Variants in PHAF1 observed in about 807,000 individuals in gnomAD.
PHAF1 encodes the protein phagosome assembly factor 1.
PHAF1 carries 23 observed loss-of-function variants against 63.1 expected under a neutral mutation model. The observed-to-expected ratio is 0.36, with a 90% CI of 0.26 to 0.52. The LOEUF (loss-of-function observed/expected upper bound fraction) is 0.52. Among genes scored for constraint, PHAF1 ranks in the 20% least tolerant of loss-of-function variants. The probability of loss-of-function intolerance (pLI) is 0.93; values close to 1 mark genes in which losing one functional copy is unlikely to be tolerated. For missense variants in PHAF1, 427 were observed against 517.2 expected, an observed-to-expected ratio of 0.83 and a Z score of 1.69; for synonymous variants, 167 against 185.0, an observed-to-expected ratio of 0.90 and a Z score of 0.79.
At chr16:67,111,319 T>C (rs1962508104) in intron 1 of PHAF1, among the ~76,000 whole-genome samples, 1 of 152,224 alleles carries the variant, frequency 6.6e-6, no homozygotes, top group Admixed American at 6.5e-5. Flanking sequence ...ACTACTTTTA[T>C]GTGTACAAGG....
intron 8 of PHAF1, among the ~76,000 whole-genome samples, chr16:67,138,622 T>C (rs1311715870): frequency 6.6e-5 from 10 of 152,112 alleles, no homozygotes; most frequent in Admixed American, 2.6e-4. Context: ...CACTTCTACA[T>C]TTGTGTGTTT....
chr16:67,144,164 G>A (rs953641966), intron 10 of PHAF1, 130 bp from the exon 11 acceptor site: 4 of 653,188 alleles, frequency 6.1e-6, no homozygotes, highest in African/African-American at 1.9e-5. Flanking sequence ...TTGTCTGGAA[G>A]AAAGGTGATG....
intron 10 of PHAF1, 84 bp downstream of exon 10, chr16:67,140,678 C>G: frequency 9.1e-7 from 1 of 1,097,562 alleles, no homozygotes; most frequent in Non-Finnish European, 1.4e-6. Context: ...CCACATGCAG[C>G]TGGAACCATG....
intron 1 of PHAF1, among the ~76,000 whole-genome samples, chr16:67,113,928 C>T (rs1181442877): frequency 1.3e-5 from 2 of 151,868 alleles, no homozygotes; most frequent in Non-Finnish European, 2.9e-5. Context: ...GTCTCGAACT[C>T]CTGACTTCAA....
At chr16:67,116,961 T>C (rs1306801778) in intron 1 of PHAF1, among the ~76,000 whole-genome samples, 1 of 152,014 alleles carries the variant, frequency 6.6e-6, no homozygotes, top group African/African-American at 2.4e-5. Context: ...AAACTATGAG[T>C]CTTTGTTTTT....
At chr16:67,110,928 C>T (rs1421597083) in intron 1 of PHAF1, among the ~76,000 whole-genome samples, 1 of 152,180 alleles carries the variant, frequency 6.6e-6, no homozygotes, top group Non-Finnish European at 1.5e-5. Context: ...TCTCCTGCCT[C>T]AGCCTCCCCA....
intron 1 of PHAF1, among the ~76,000 whole-genome samples, chr16:67,117,506 AGTG>A (rs1962785912): frequency 6.6e-6 from 1 of 150,418 alleles, no homozygotes; most frequent in Non-Finnish European, 1.5e-5. Flanking sequence ...GGCCGGGCAC[AGTG>A]GCTCATGCCT....
intron 11 of PHAF1, among the ~76,000 whole-genome samples, 194 bp downstream of exon 11, chr16:67,144,570 C>T (rs1963921911): frequency 6.6e-6 from 1 of 152,190 alleles, no homozygotes; most frequent in Non-Finnish European, 1.5e-5. Flanking sequence ...TCTGTTTGAA[C>T]CCATTTTACA....
chr16:67,141,132 ACATCT>A lies in PHAF1; in HGVS notation c.879+541_879+545del, dbSNP rs1360644097. Among the ~76,000 whole-genome samples the A allele has an allele frequency of 2.6e-5, 4 of 152,334 alleles. No individual in the cohort carries two copies. The East Asian group carries it at 5.8e-4, about 22-fold the overall frequency. On this transcript the variant is annotated intron_variant, in intron 10 of 15. Coordinates refer to ENST00000219139, the MANE Select transcript of PHAF1 (RefSeq NM_025187.5). The stretch of plus-strand genomic sequence containing the variant: ...TGTATAAACAGTGTTTCAGCAGGAA[ACATCT>A]CAAGAGGGCAGGGCTGGCCTGGACC...
chr16:67,110,022 G>C lies in PHAF1; in HGVS notation c.-154G>C. ...GAAGTGAGGTGAGGTGTGGTGTTGG[G>C]CCGGTGCTGCTGCCGCTGCCGCCGG... On this transcript the variant is annotated 5_prime_UTR_variant, in exon 1 of 16. Coordinates refer to ENST00000219139, the MANE Select transcript of PHAF1 (RefSeq NM_025187.5). 1 of 713,690 alleles carries C rather than the reference G, an allele frequency of 1.4e-6. No individual in the cohort carries two copies. The highest frequency in any genetic ancestry group is 1.8e-5 in the South Asian group (1 of 56,678). 44.2% of individuals were successfully genotyped at this position (713,690 alleles called of 1,614,324 possible). A position where few individuals can be genotyped will look rare whatever the true frequency, so the allele number is the denominator to read the frequency against.
Position 67,132,852 on chromosome 16 carries a change from T to G in PHAF1, c.391T>G (p.Phe131Val). 2 of 1,613,906 alleles carry G rather than the reference T, an allele frequency of 1.2e-6. No individual in the cohort carries two copies. The highest frequency in any genetic ancestry group is 1.7e-6 in the Non-Finnish European group (2 of 1,179,784). The change falls in exon 6 of 16, where the codon TTC becomes GTC. Residue 131 changes from phenylalanine to valine, a missense_variant. Transcript: ENST00000219139. ...NSAEQLFHLN[F>V]RGLSFSFQLD... The stretch of plus-strand genomic sequence containing the variant: ...CGCTGAGCAGCTCTTCCATCTCAAC[T>G]TCAGAGGACTGTCTTTCTCTTTTCA...
At chr16:67,122,310 A>G (rs1963012191) in intron 2 of PHAF1, among the ~76,000 whole-genome samples, 1 of 152,220 alleles carries the variant, frequency 6.6e-6, no homozygotes, top group African/African-American at 2.4e-5. Flanking sequence ...CAACTTTAAC[A>G]CATTAGCAAA....
rs1597219837 is a variant in PHAF1, at chr16:67,145,581, C to T, written c.1062C>T (p.Ile354=). ...TCTTYSKWDN[I]QELLGHPVEK... is the part of the protein sequence containing the mutation. Reference sequence around the variant, plus strand: ...TATCCCTCTTGCAGTGGGACAACATCCAGGAGCTCCTGGGCCACCCTGTGG... The same window carrying T: ...TATCCCTCTTGCAGTGGGACAACATTCAGGAGCTCCTGGGCCACCCTGTGG... Residue 354 remains isoleucine (I), a synonymous_variant, in exon 14 of 16, where the codon ATC becomes ATT. Transcript: ENST00000219139. The T allele has an allele frequency of 1.9e-6, 3 of 1,614,096 alleles. No homozygotes were observed. The highest frequency in any genetic ancestry group is 1.3e-5 in the African/African-American group (1 of 75,032).
rs767583195 is a variant in PHAF1 at position 67,144,815 on chromosome 16, C to G, written c.963-19C>G. 2.5e-6 allele frequency: 4 copies of G among 1,613,792 alleles called. No individual in the cohort carries two copies. The Admixed American group carries it at 5.0e-5, about 20-fold the overall frequency. ...GCCTTCTAGGAGGCCCAGCCTTTAC[C>G]CATTTGCCTTCTCTCTAGTTATCAT... On this transcript the variant is annotated intron_variant, in intron 11 of 15. Coordinates refer to ENST00000219139, the MANE Select transcript of PHAF1 (RefSeq NM_025187.5).
intron 1 of PHAF1, among the ~76,000 whole-genome samples, chr16:67,113,718 G>A (rs1962620816): frequency 6.7e-6 from 1 of 149,046 alleles, no homozygotes; most frequent in Admixed American, 6.7e-5. Context: ...CAAAGTGCTG[G>A]GATTACAGGC....
chr16:67,124,719 C>A (rs914886540), intron 2 of PHAF1, among the ~76,000 whole-genome samples: 1 of 151,958 alleles, frequency 6.6e-6, no homozygotes, highest in East Asian at 1.9e-4. Flanking sequence ...CTGGCTAACA[C>A]GGTGAAACCC....
chr16:67,141,992 G>A (rs1029525422), intron 10 of PHAF1, among the ~76,000 whole-genome samples: 5 of 152,200 alleles, frequency 3.3e-5, no homozygotes, highest in African/African-American at 1.2e-4. Context: ...CTTGTCCTGC[G>A]GCCAGGAAGA....
chr16:67,146,353 A>G lies in PHAF1; in HGVS notation c.1182+3A>G, dbSNP rs781214727. On this transcript the variant is annotated splice_donor_region_variant and intron_variant, in intron 15 of 15. Transcript: ENST00000219139. ...GTCTTCAGCGAATGATCTTTGAGGT[A>G]AGCTGTGGAAGCCCTAGAAATAAAC... is the stretch of plus-strand genomic sequence containing the variant. The G allele has an allele frequency of 6.2e-7, 1 of 1,613,236 alleles. No individual in the cohort carries two copies. Among genetic ancestry groups the G allele is most frequent in the Non-Finnish European group, 8.5e-7 (1 of 1,179,146 alleles).
intron 1 of PHAF1, among the ~76,000 whole-genome samples, chr16:67,119,343 G>T (rs1235654582): frequency 1.3e-5 from 2 of 152,152 alleles, no homozygotes; most frequent in Admixed American, 6.5e-5. Context: ...TTTCCAGGAA[G>T]ACTTTTTGTA....
Sources: allele counts gnomAD v4.1 joint callset (sites outside exome capture counted in the v4.1 genomes callset), GRCh38; gene constraint gnomAD v4.1.1; transcripts MANE v1.5; gene names NCBI Gene and HGNC (gene_info 2026-07-23, HGNC 2026-07-21).